Variants in ANXA6 observed in about 807,000 individuals in gnomAD.
ANXA6 encodes the protein 67 kDa calelectrin.
Under a neutral mutation model 95.4 loss-of-function variants are expected in ANXA6, and 71 were observed. The ratio of observed to expected loss-of-function variants is 0.74; its 90% CI spans 0.61 to 0.91. The LOEUF is 0.91. Ranked by LOEUF, ANXA6 falls within the 40% of genes least tolerant of loss-of-function variation. The pLI is 0.00. For synonymous variants in ANXA6, 289 were observed against 315.9 expected, an observed-to-expected ratio of 0.91 and a Z score of 0.90; for missense variants, 830 against 876.4, an observed-to-expected ratio of 0.95 and a Z score of 0.67.
intron 23 of ANXA6, among the ~76,000 whole-genome samples, chr5:151,105,668 C>G (rs1318574352): frequency 6.6e-6 from 1 of 152,120 alleles, no homozygotes; most frequent in African/African-American, 2.4e-5. Context: ...GGTTTAGGCT[C>G]CACCCTAAAG....
At chr5:151,107,430 T>C (rs4958893) in intron 23 of ANXA6, among the ~76,000 whole-genome samples, 117,760 of 152,136 alleles carry the variant, frequency 0.77, 45,856 homozygotes, top group African/African-American at 0.86. Flanking sequence ...CTTTTATTCG[T>C]CGGGCTATCC....
At chr5:151,141,711 T>C in intron 2 of ANXA6, 1 of 985,594 alleles carries the variant, frequency 1.0e-6, no homozygotes, top group Non-Finnish European at 1.2e-6. Context: ...AGTTACTATT[T>C]AAAGTTCTGA....
chr5:151,107,481 C>T (rs879340681), intron 23 of ANXA6, among the ~76,000 whole-genome samples: 13 of 152,210 alleles, frequency 8.5e-5, no homozygotes, highest in Non-Finnish European at 1.0e-4. Flanking sequence ...AGGCCCATCA[C>T]GTGCTAAACA....
intron 9 of ANXA6, 103 bp downstream of exon 9, chr5:151,132,991 T>G (rs1397161417): frequency 1.2e-6 from 1 of 863,038 alleles, no homozygotes; most frequent in Non-Finnish European, 1.9e-6. Flanking sequence ...GGGAATGAAG[T>G]AGGTATCATG....
rs554108084 is a variant in ANXA6 at position 151,135,599 on chromosome 5, C to A, written c.489+657G>T. Among the ~76,000 whole-genome samples the A allele has an allele frequency of 2.0e-5, 3 of 152,308 alleles. No homozygotes were observed. In the Middle Eastern group the frequency reaches 0.01, roughly 518 times the overall value. ...ATCGTGCCTGTGGTCACAGAGATAC[C>A]TACAGAGCCAGGTAGATAACATTCA... On this transcript the variant is annotated intron_variant, in intron 7 of 25. Coordinates refer to ENST00000354546, the MANE Select transcript of ANXA6 (RefSeq NM_001155.5).
chr5:151,105,110 C>T, intron 24 of ANXA6, 135 bp downstream of exon 24: 2 of 840,252 alleles, frequency 2.4e-6, no homozygotes, highest in Non-Finnish European at 4.0e-6. Flanking sequence ...CAGACAAGGG[C>T]AGATGCTAAT....
At chr5:151,145,676 G>A (rs1225298490) in intron 2 of ANXA6, among the ~76,000 whole-genome samples, 12 of 152,134 alleles carry the variant, frequency 7.9e-5, no homozygotes, top group Admixed American at 7.9e-4. Flanking sequence ...CCAGATTCAA[G>A]CTAATAATTG....
rs766534449 is a variant in ANXA6 at position 151,129,499 on chromosome 5, G to A, written c.826C>T (p.Arg276Cys). The A allele has an allele frequency of 1.1e-5, 17 of 1,609,392 alleles. No homozygotes were observed. The highest frequency in any genetic ancestry group is 1.7e-5 in the Admixed American group (1 of 59,484). ...AACTCACTACGGGAGACCATGATGC[G>A]GATCAGGGTGTTGTCCCGAGTCCCC... ...GLGTRDNTLI[R>C]IMVSRSELDM... The change falls in exon 12 of 26, where the codon CGC becomes TGC. Residue 276 changes from arginine (R) to cysteine (C), a missense_variant. Coordinates refer to ENST00000354546, the MANE Select transcript of ANXA6 (RefSeq NM_001155.5).
At chr5:151,117,703 T>A (rs1160935877) in intron 19 of ANXA6, 55 bp downstream of exon 19, 8 of 1,492,470 alleles carry the variant, frequency 5.4e-6, no homozygotes, top group Non-Finnish European at 3.7e-6. Context: ...AAACCTTCCC[T>A]TCCTCCCAGG....
At chr5:151,136,934 C>G (rs1445542972) in intron 6 of ANXA6, among the ~76,000 whole-genome samples, 1 of 152,204 alleles carries the variant, frequency 6.6e-6, no homozygotes, top group Non-Finnish European at 1.5e-5. Flanking sequence ...TCCTGTACAA[C>G]ACTTAGCTAA....
At chr5:151,130,313 C>A (rs556503888) in intron 11 of ANXA6, among the ~76,000 whole-genome samples, 1 of 151,866 alleles carries the variant, frequency 6.6e-6, no homozygotes, top group Non-Finnish European at 1.5e-5. Flanking sequence ...CATAGCACTG[C>A]GTTCACTGAA....
chr5:151,132,083 C>T (rs1472163909), intron 10 of ANXA6, among the ~76,000 whole-genome samples: 1 of 152,200 alleles, frequency 6.6e-6, no homozygotes, highest in East Asian at 1.9e-4. Context: ...GACTCAGTTT[C>T]CTCATCTGTG....
Position 151,119,378 on chromosome 5 carries a change from C to G in ANXA6, c.1360G>C (p.Asp454His). The G allele has an allele frequency of 1.9e-6, 3 of 1,613,892 alleles. No homozygotes were observed. The highest frequency in any genetic ancestry group is 2.5e-6 in the Non-Finnish European group (3 of 1,179,850). Residue 454 changes from aspartate (D) to histidine (H), a missense_variant, in exon 18 of 26, where the codon GAT (aspartate) becomes CAT (histidine). Asp to His is a moderately conservative substitution (Grantham distance 81). Coordinates refer to ENST00000354546, the MANE Select transcript of ANXA6 (RefSeq NM_001155.5). Reference sequence around the variant, plus strand: ...AGGATTTCAATAAGAGCCTTTTCATCTGTGCCGGCTCCCTGGAATGTCAAG... The same window carrying G: ...AGGATTTCAATAAGAGCCTTTTCATGTGTGCCGGCTCCCTGGAATGTCAAG... The part of the protein sequence containing the change: ...LKKAMEGAGT[D>H]EKALIEILAT...
chr5:151,120,121 A>G (rs568610960), intron 17 of ANXA6, among the ~76,000 whole-genome samples: 4 of 152,208 alleles, frequency 2.6e-5, no homozygotes, highest in Non-Finnish European at 4.4e-5. Flanking sequence ...CTCAAGCCCA[A>G]AGTTTTAGGA....
chr5:151,100,784 C>T lies in ANXA6; in HGVS notation c.*664G>A, dbSNP rs1482077057. On this transcript the variant is annotated 3_prime_UTR_variant, in exon 26 of 26. Transcript: ENST00000354546. ...GTCAAGGGAATGAATCGGAGGCATA[C>T]TTTAGGAAGTTAATGTTAGAAGGGA... 2 of 441,608 alleles carry T rather than the reference C, an allele frequency of 4.5e-6. No individual in the cohort carries two copies. The highest frequency in any genetic ancestry group is 2.0e-5 in the African/African-American group (1 of 49,426). The allele number at this position is 441,608 out of a possible 1,614,324, so 27.4% of individuals were successfully genotyped here.
At position 151,101,032 on chromosome 5, in the gene ANXA6, C is replaced by G; in HGVS notation, c.*416G>C. 2.1e-6 allele frequency: 1 copy of G among 465,728 alleles called. No individual in the cohort carries two copies. The highest frequency in any genetic ancestry group is 1.5e-5 in the South Asian group (1 of 64,660). 28.8% of individuals were successfully genotyped at this position (465,728 alleles called of 1,614,324 possible). A position where few individuals can be genotyped will look rare whatever the true frequency, so the allele number is the denominator to read the frequency against. On this transcript the variant is annotated 3_prime_UTR_variant, in exon 26 of 26. Coordinates refer to ENST00000354546, the MANE Select transcript of ANXA6 (RefSeq NM_001155.5). ...TTGCCCCAGCACATTTACTATCCTT[C>G]CCACCACCCCGCCCAGCACATTCAA...
At chr5:151,126,311 G>A in intron 14 of ANXA6, 91 bp downstream of exon 14, 7 of 1,142,758 alleles carry the variant, frequency 6.1e-6, no homozygotes, top group Non-Finnish European at 9.0e-6. Context: ...TTGGCCGCCA[G>A]GGGGCAGCTG....
chr5:151,120,397 G>C (rs371568430), intron 17 of ANXA6, among the ~76,000 whole-genome samples: 2 of 145,030 alleles, frequency 1.4e-5, no homozygotes, highest in Middle Eastern at 3.5e-3. Context: ...CACTGTGCAA[G>C]GTGCTGGGGC....
chr5:151,140,241 A>T lies in ANXA6; in HGVS notation c.21T>A (p.Gly7=). Residue 7 remains glycine, a splice_region_variant and synonymous_variant, in exon 3 of 26, where the codon GGT becomes GGA. Transcript: ENST00000354546. The part of the protein sequence containing the change: MAKPAQ[G]AKYRGSIHDF... ...CATGGATGGAGCCCCGGTACTTGGC[A>T]CCCTGTGGAGAAAAAAGTAGAGGGT... 3.7e-6 allele frequency: 6 copies of T among 1,613,752 alleles called. No individual in the cohort carries two copies. The highest frequency in any genetic ancestry group is 4.2e-6 in the Non-Finnish European group (5 of 1,179,782).
Sources: gnomAD v4.1 joint callset for allele counts (sites outside exome capture counted in the v4.1 genomes callset) on GRCh38, gnomAD v4.1.1 for gene constraint, MANE v1.5 for transcripts, NCBI Gene and HGNC (gene_info 2026-07-23, HGNC 2026-07-21) for gene names.